HELT: variants seen among roughly 807,000 people sequenced by gnomAD.
HELT encodes hairy and enhancer of split-related protein HELT.
Under a neutral mutation model 19.5 loss-of-function variants are expected in HELT, and 9 were observed. That is an observed-to-expected ratio of 0.46 (90% confidence interval 0.28 to 0.80). The LOEUF (loss-of-function observed/expected upper bound fraction) is 0.80, where lower values mean the gene tolerates loss of function less well. Ranked by LOEUF, HELT falls within the 30% of genes least tolerant of loss-of-function variation. The pLI, the probability that HELT is intolerant of heterozygous loss-of-function variation, is 0.12. For synonymous variants in HELT, 162 were observed against 148.3 expected (o/e 1.09, Z -0.67); for missense variants, 366 against 326.3 (o/e 1.12, Z -0.94).
intron 1 of HELT, 139 bp downstream of exon 1, chr4:185,019,094 G>A (rs979191322): frequency 1.2e-6 from 2 of 1,607,222 alleles, no homozygotes; most frequent in African/African-American, 1.3e-5. Flanking sequence ...AGTGGTTTGG[G>A]AAGGGGGTGG....
chr4:185,019,479 C>A lies in HELT; in HGVS notation c.120C>A (p.Ala40=), dbSNP rs1418122357. The stretch of plus-strand genomic sequence containing the variant: ...AGCTGGGCAAGACAGTGCCCATGGC[C>A]TTGGCGAAGCAGGTAACGTTGGCGA... ...LNELGKTVPM[A]LAKQSSGKLE... The change falls in exon 2 of 4, where the codon GCC becomes GCA. Residue 40 remains alanine (A), a synonymous_variant. Transcript: ENST00000515777. 1.2e-6 allele frequency: 2 copies of A among 1,609,838 alleles called. No individual in the cohort carries two copies. The highest frequency in any genetic ancestry group is 1.7e-6 in the Non-Finnish European group (2 of 1,177,968).
chr4:185,019,674 G>A (rs1734000508), intron 2 of HELT, 73 bp from the exon 3 acceptor site: 1 of 1,610,774 alleles, frequency 6.2e-7, no homozygotes, highest in Non-Finnish European at 8.5e-7. Flanking sequence ...TCCGCTCGCT[G>A]GTCCTCTCCA....
chr4:185,020,460 G>A lies in HELT; in HGVS notation c.417G>A (p.Ser139=). 6.2e-7 allele frequency: 1 copy of A among 1,613,904 alleles called. No homozygotes were observed. Among genetic ancestry groups the A allele is most frequent in the Non-Finnish European group, 8.5e-7 (1 of 1,180,024 alleles). Residue 139 remains serine (S), a synonymous_variant, in exon 4 of 4, where the codon TCG becomes TCA. Coordinates refer to ENST00000515777, the MANE Select transcript of HELT (RefSeq NM_001300781.2). ...AGCCCGCCTTTCCGCCGCTGGGTTCGCTCCCGGAGCCGGATTTCTCCTATC... is the reference window on the plus strand; with the variant it reads ...AGCCCGCCTTTCCGCCGCTGGGTTCACTCCCGGAGCCGGATTTCTCCTATC... ...GAEPAFPPLG[S]LPEPDFSYQL...
chr4:185,020,844 T>C lies in HELT; in HGVS notation c.*72T>C. On this transcript the variant is annotated 3_prime_UTR_variant, in exon 4 of 4. Coordinates refer to ENST00000515777, the MANE Select transcript of HELT (RefSeq NM_001300781.2). ...AGAAATGCTGTATATATTGTACACATAATGTGTAAATATTGTACCCCAAAA... is the reference window on the plus strand; with the variant it reads ...AGAAATGCTGTATATATTGTACACACAATGTGTAAATATTGTACCCCAAAA... 6.9e-7 allele frequency: 1 copy of C among 1,450,136 alleles called. No individual in the cohort carries two copies. The highest frequency in any genetic ancestry group is 9.0e-7 in the Non-Finnish European group (1 of 1,106,742). 89.8% of individuals were successfully genotyped at this position (1,450,136 alleles called of 1,614,324 possible).
intron 1 of HELT, 59 bp downstream of exon 1, chr4:185,019,014 C>T (rs757032852): frequency 3.7e-6 from 6 of 1,613,900 alleles, no homozygotes; most frequent in African/African-American, 2.7e-5. Flanking sequence ...TCTGACTCAC[C>T]GACCCGCCAC....
In HELT at chr4:185,019,496, C is replaced by T. The variant is rs921847500; in HGVS notation, c.132+5C>T. The T allele has an allele frequency of 6.2e-7, 1 of 1,602,532 alleles. No homozygotes were observed. Among genetic ancestry groups the T allele is most frequent in the African/African-American group, 1.3e-5 (1 of 74,654 alleles). Reference sequence around the variant, plus strand: ...CCCATGGCCTTGGCGAAGCAGGTAACGTTGGCGACCCGGAGCCGGGTGCCA... The same window carrying T: ...CCCATGGCCTTGGCGAAGCAGGTAATGTTGGCGACCCGGAGCCGGGTGCCA... On this transcript the variant is annotated splice_donor_5th_base_variant and intron_variant, in intron 2 of 3. Coordinates refer to ENST00000515777, the MANE Select transcript of HELT (RefSeq NM_001300781.2).
Position 185,020,854 on chromosome 4 carries a change from A to C in HELT, c.*82A>C, listed in dbSNP as rs1222282344. ...TATATATTGTACACATAATGTGTAA[A>C]TATTGTACCCCAAAAATCTGGGCTG... On this transcript the variant is annotated 3_prime_UTR_variant, in exon 4 of 4. Transcript: ENST00000515777. 3.5e-6 allele frequency: 5 copies of C among 1,419,436 alleles called. No homozygotes were observed. In the South Asian group the frequency reaches 8.2e-5, roughly 23 times the overall value. The allele number at this position is 1,419,436 out of a possible 1,614,324, so 87.9% of individuals were successfully genotyped here.
At position 185,020,648 on chromosome 4, in the gene HELT, C is replaced by G. The variant is rs1319678555; in HGVS notation, c.605C>G (p.Ala202Gly). 3.1e-6 allele frequency: 5 copies of G among 1,603,972 alleles called. No homozygotes were observed. Among genetic ancestry groups the G allele is most frequent in the Non-Finnish European group, 4.2e-6 (5 of 1,179,274 alleles). ...PSAPVPLASP[A>G]QQHSPFLTPV... ...GCGCCAGTGCCGCTCGCTAGCCCAG[C>G]GCAGCAGCACAGCCCCTTCCTGACA... Residue 202 changes from alanine to glycine, a missense_variant, in exon 4 of 4, where the codon GCG becomes GGG. Transcript: ENST00000515777.
rs749021919 is a variant in HELT, at chr4:185,018,935, G to C, written c.7G>C (p.Asp3His). The C allele has an allele frequency of 6.2e-7, 1 of 1,607,706 alleles. No individual in the cohort carries two copies. Among genetic ancestry groups the C allele is most frequent in the Non-Finnish European group, 8.5e-7 (1 of 1,175,990 alleles). Residue 3 changes from aspartate (D) to histidine (H), a missense_variant, in exon 1 of 4, where the codon GAC becomes CAC. By Grantham distance (81) the Asp-to-His change is moderately conservative (BLOSUM62 -1). Coordinates refer to ENST00000515777, the MANE Select transcript of HELT (RefSeq NM_001300781.2). MS[D>H]KLKERKRTPV... ...AGGGCGCGTACTGACCAGGATGTCA[G>C]ACAAGCTCAAGGAACGCAAAGTGAG...
chr4:185,019,369 A>G lies in HELT; in HGVS notation c.28-18A>G, dbSNP rs979630163. On this transcript the variant is annotated intron_variant, in intron 1 of 3. Coordinates refer to ENST00000515777, the MANE Select transcript of HELT (RefSeq NM_001300781.2). ...TCCCGGGCAAAGCCATCCTAAACAT[A>G]CAACCCTCTCTTCGCAGAGAACCCC... The G allele has an allele frequency of 4.4e-6, 7 of 1,595,386 alleles. No individual in the cohort carries two copies. The highest frequency in any genetic ancestry group is 4.5e-5 in the East Asian group (2 of 44,006).
At position 185,020,479 on chromosome 4, in the gene HELT, T is replaced by C; in HGVS notation, c.436T>C (p.Ser146Pro). 6.2e-7 allele frequency: 1 copy of C among 1,613,640 alleles called. No individual in the cohort carries two copies. Among genetic ancestry groups the C allele is most frequent in the South Asian group, 1.1e-5 (1 of 91,076 alleles). The change falls in exon 4 of 4, where the codon TCC becomes CCC. Residue 146 changes from serine (S) to proline (P), a missense_variant. Ser to Pro is a moderately conservative substitution (Grantham distance 74). Coordinates refer to ENST00000515777, the MANE Select transcript of HELT (RefSeq NM_001300781.2). ...GGGTTCGCTCCCGGAGCCGGATTTCTCCTATCAGCTGCACCCTGCGGGGCC... is the reference window on the plus strand; with the variant it reads ...GGGTTCGCTCCCGGAGCCGGATTTCCCCTATCAGCTGCACCCTGCGGGGCC... Reference protein sequence around the residue: ...PLGSLPEPDFSYQLHPAGPEF... With the variant: ...PLGSLPEPDFPYQLHPAGPEF...
In HELT at chr4:185,019,397, T is replaced by G. The variant is rs1733990261; in HGVS notation, c.38T>G (p.Val13Gly). The part of the protein sequence containing the change: ...DKLKERKRTP[V>G]SHKVIEKRRR... ...ACCCTCTCTTCGCAGAGAACCCCCG[T>G]TTCTCATAAAGTGATAGAAAAGCGG... Residue 13 changes from valine (V) to glycine (G), a missense_variant, in exon 2 of 4, where the codon GTT becomes GGT. By Grantham distance (109) the Val-to-Gly change is moderately radical. Coordinates refer to ENST00000515777, the MANE Select transcript of HELT (RefSeq NM_001300781.2). 6.2e-7 allele frequency: 1 copy of G among 1,611,576 alleles called. No individual in the cohort carries two copies. The highest frequency in any genetic ancestry group is 1.1e-5 in the South Asian group (1 of 90,706).
chr4:185,019,650 G>A, intron 2 of HELT, 97 bp from the exon 3 acceptor site: 1 of 1,607,886 alleles, frequency 6.2e-7, no homozygotes, highest in Non-Finnish European at 8.5e-7. Context: ...CTCTGGCGCA[G>A]ATCCGCAGCC....
At chr4:185,019,266 C>G in intron 1 of HELT, 121 bp from the exon 2 acceptor site, 1 of 1,126,590 alleles carries the variant, frequency 8.9e-7, no homozygotes, top group Non-Finnish European at 1.3e-6. Context: ...GGAGTCCCTT[C>G]CTAGAGCGAA....
At chr4:185,019,981 G>A (rs1304077877) in intron 3 of HELT, 138 bp downstream of exon 3, 2 of 878,044 alleles carry the variant, frequency 2.3e-6, no homozygotes, top group Non-Finnish European at 3.4e-6. Context: ...GGGGTCCTGC[G>A]AAGGCGCCTC....
rs568776854 is a variant in HELT at position 185,019,139 on chromosome 4, T to A, written c.27+184T>A. 2.5e-5 allele frequency: 39 copies of A among 1,551,898 alleles called. No homozygotes were observed. The South Asian group carries it at 4.8e-4, about 19-fold the overall frequency. ...AGGAGGGTGCTCAACCAGGTAGAAG[T>A]CCTGCCTGGAGGCTGGCGGCCACCT... On this transcript the variant is annotated intron_variant, in intron 1 of 3. Coordinates refer to ENST00000515777, the MANE Select transcript of HELT (RefSeq NM_001300781.2).
chr4:185,018,656 C>G lies in HELT; in HGVS notation c.-273C>G, dbSNP rs914226813. Among the ~76,000 whole-genome samples, 6 of 151,868 alleles carry G rather than the reference C, an allele frequency of 4.0e-5. No individual in the cohort carries two copies. The highest frequency in any genetic ancestry group is 7.2e-5 in the African/African-American group (3 of 41,388). On this transcript the variant is annotated 5_prime_UTR_variant, in exon 1 of 4. Transcript: ENST00000515777. The stretch of plus-strand genomic sequence containing the variant: ...CGTGGATTAACAAAGCTGATCTGCC[C>G]CCAGCTCGCCCCCCTCGGCTGCTAA...
chr4:185,020,676 G>A lies in HELT; in HGVS notation c.633G>A (p.Pro211=). 1.2e-6 allele frequency: 2 copies of A among 1,604,372 alleles called. No homozygotes were observed. Among genetic ancestry groups the A allele is most frequent in the Non-Finnish European group, 1.7e-6 (2 of 1,179,292 alleles). Residue 211 remains proline, a synonymous_variant, in exon 4 of 4, where the codon CCG becomes CCA. Coordinates refer to ENST00000515777, the MANE Select transcript of HELT (RefSeq NM_001300781.2). ...PAQQHSPFLT[P]VQGLDRHYLN... ...AGCAGCACAGCCCCTTCCTGACACC[G>A]GTGCAGGGCCTGGACCGGCATTACC... is the stretch of plus-strand genomic sequence containing the variant.
intron 3 of HELT, among the ~76,000 whole-genome samples, 191 bp from the exon 4 acceptor site, chr4:185,020,082 C>G (rs1734023120): frequency 6.6e-6 from 1 of 152,190 alleles, no homozygotes; most frequent in South Asian, 2.1e-4. Flanking sequence ...TGGGTGGGGT[C>G]AGGCTCTCAG....
Sources: allele counts gnomAD v4.1 joint callset (sites outside exome capture counted in the v4.1 genomes callset), GRCh38; gene constraint gnomAD v4.1.1; transcripts MANE v1.5; gene names NCBI Gene and HGNC (gene_info 2026-07-23, HGNC 2026-07-21).